The following DLG2 variants were observed in gnomAD, a reference collection of about 807,000 sequenced individuals.
DLG2 encodes discs large MAGUK scaffold protein 2.
A neutral mutation model predicts 132.5 loss-of-function variants in DLG2; 45 were observed. The ratio of observed to expected loss-of-function variants is 0.34; its 90% CI spans 0.27 to 0.44. DLG2 has a LOEUF of 0.44. Ranked by LOEUF, DLG2 falls within the 20% of genes least tolerant of loss-of-function variation. The pLI is 1.00. For synonymous variants in DLG2, 424 were observed against 419.6 expected (o/e 1.01, Z -0.13); for missense variants, 1,045 against 1,196.9 (o/e 0.87, Z 1.87).
At chr11:84,697,741 A>T (rs1052397700) in intron 6 of DLG2, among the ~76,000 whole-genome samples, 3 of 151,502 alleles carry the variant, frequency 2.0e-5, no homozygotes, top group African/African-American at 7.3e-5. Flanking sequence ...GTGAATATTC[A>T]AGCACAATCA....
intron 8 of DLG2, among the ~76,000 whole-genome samples, chr11:84,167,355 T>A (rs2095692076): frequency 6.6e-6 from 1 of 152,206 alleles, no homozygotes; most frequent in Non-Finnish European, 1.5e-5. Context: ...GTATTTAATT[T>A]AAAGCTCTAA....
At chr11:83,911,197 A>G (rs1413161780) in intron 15 of DLG2, among the ~76,000 whole-genome samples, 1 of 152,102 alleles carries the variant, frequency 6.6e-6, no homozygotes, top group Non-Finnish European at 1.5e-5. Context: ...GAGGAATAGC[A>G]AGGGCAGAGG....
At chr11:84,007,597 G>A (rs537156501) in intron 11 of DLG2, among the ~76,000 whole-genome samples, 39 of 151,640 alleles carry the variant, frequency 2.6e-4, no homozygotes, top group Admixed American at 1.1e-3. Flanking sequence ...TTTAATGACT[G>A]CTTAAAAGAT....
chr11:84,756,043 T>C (rs1228944866), intron 6 of DLG2, among the ~76,000 whole-genome samples: 2 of 152,258 alleles, frequency 1.3e-5, no homozygotes, highest in Middle Eastern at 3.4e-3. Flanking sequence ...GTGGTCAAGG[T>C]ATAAAATGCT....
intron 19 of DLG2, among the ~76,000 whole-genome samples, chr11:83,626,707 AT>A (rs1209153459): frequency 1.3e-5 from 2 of 152,198 alleles, no homozygotes; most frequent in African/African-American, 4.8e-5. Context: ...AATAGAAGAA[AT>A]CATGTGGTTA....
At chr11:83,490,319 G>T (rs1354090833) in intron 21 of DLG2, among the ~76,000 whole-genome samples, 2 of 151,752 alleles carry the variant, frequency 1.3e-5, no homozygotes, top group Non-Finnish European at 2.9e-5. Flanking sequence ...CAGTAATAAA[G>T]TATAACACAT....
chr11:84,059,400 T>G lies in DLG2; in HGVS notation c.834A>C (p.Ala278=). The stretch of plus-strand genomic sequence containing the variant: ...GCACATACAGCCGAACGATAGACCC[T>G]GCTTCCTTCAGGGCTTCCACCGCTT... ...HSKAVEALKE[A]GSIVRLYVRR... Residue 278 remains alanine, a synonymous_variant, in exon 11 of 28, where the codon GCA becomes GCC. Coordinates refer to ENST00000376104, the MANE Select transcript of DLG2 (RefSeq NM_001142699.3). The G allele has an allele frequency of 6.2e-7, 1 of 1,613,588 alleles. No homozygotes were observed.
At chr11:84,769,932 T>G (rs1168612424) in intron 6 of DLG2, among the ~76,000 whole-genome samples, 1 of 152,226 alleles carries the variant, frequency 6.6e-6, no homozygotes, top group Non-Finnish European at 1.5e-5. Context: ...TAAGTGAATT[T>G]GTTACCATAA....
intron 19 of DLG2, among the ~76,000 whole-genome samples, chr11:83,602,460 C>T (rs1000518030): frequency 1.3e-5 from 2 of 152,192 alleles, no homozygotes; most frequent in Non-Finnish European, 2.9e-5. Flanking sequence ...GGTTGGAAGT[C>T]CAATAAGGAC....
intron 17 of DLG2, among the ~76,000 whole-genome samples, chr11:83,811,392 T>C (rs1408177211): frequency 6.6e-6 from 1 of 152,072 alleles, no homozygotes; most frequent in Non-Finnish European, 1.5e-5. Flanking sequence ...CACACAAAAT[T>C]GACAATATTC....
intron 6 of DLG2, among the ~76,000 whole-genome samples, chr11:84,738,697 A>G (rs1276187231): frequency 2.0e-5 from 3 of 152,192 alleles, no homozygotes; most frequent in African/African-American, 7.2e-5. Context: ...AAAATGGTCC[A>G]ACCACTTTGG....
At chr11:85,400,959 G>C (rs1232305410) in intron 3 of DLG2, among the ~76,000 whole-genome samples, 1 of 145,676 alleles carries the variant, frequency 6.9e-6, no homozygotes, top group African/African-American at 2.5e-5. Flanking sequence ...AAAAGAAAAA[G>C]AGGGAATTCT....
At chr11:85,145,451 T>C (rs1268606872) in intron 5 of DLG2, among the ~76,000 whole-genome samples, 1 of 152,144 alleles carries the variant, frequency 6.6e-6, no homozygotes. Context: ...TTAAGGTCAA[T>C]ACATTTTACA....
At chr11:83,617,298 C>T (rs1349896408) in intron 19 of DLG2, among the ~76,000 whole-genome samples, 1 of 152,164 alleles carries the variant, frequency 6.6e-6, no homozygotes, top group African/African-American at 2.4e-5. Flanking sequence ...AAGGTATACC[C>T]CACATTTATG....
chr11:83,606,805 T>G (rs745403425), intron 19 of DLG2, among the ~76,000 whole-genome samples: 9 of 152,098 alleles, frequency 5.9e-5, no homozygotes, highest in Non-Finnish European at 1.0e-4. Context: ...CGGGCGCCTG[T>G]GGTCCCAGCT....
intron 6 of DLG2, among the ~76,000 whole-genome samples, chr11:84,860,981 A>G (rs192716654): frequency 3.3e-5 from 5 of 152,242 alleles, no homozygotes; most frequent in Admixed American, 1.3e-4. Flanking sequence ...AACATCTACT[A>G]TGTGTTCATA....
At chr11:84,809,447 A>G (rs925721068) in intron 6 of DLG2, among the ~76,000 whole-genome samples, 7 of 119,628 alleles carry the variant, frequency 5.9e-5, no homozygotes, top group African/African-American at 2.0e-4. Context: ...AAAAAAAATA[A>G]AAGTCATAAG....
intron 7 of DLG2, among the ~76,000 whole-genome samples, chr11:84,367,507 A>C (rs973549871): frequency 2.6e-5 from 4 of 152,150 alleles, no homozygotes; most frequent in Admixed American, 6.6e-5. Context: ...TATTTGTTTC[A>C]TCTGAAATTC....
Position 85,209,445 on chromosome 11 carries a change from C to CTT in DLG2, c.187-54796_187-54795dup, listed in dbSNP as rs1164394816. On this transcript the variant is annotated intron_variant, in intron 4 of 27. Transcript: ENST00000376104. ...AACTTATGGGCACAAAGAAATCAGTCTTTTTTTTTTTTTTTTTTTTTTGAG... is the reference window on the plus strand; with the variant it reads ...AACTTATGGGCACAAAGAAATCAGTCTTTTTTTTTTTTTTTTTTTTTTTTGAG... Among the ~76,000 whole-genome samples, 259 of 74,412 alleles carry CTT rather than the reference C, an allele frequency of 3.5e-3. 28 individuals carry two copies. Among genetic ancestry groups the CTT allele is most frequent in the South Asian group, 4.9e-3 (8 of 1,646 alleles). 48.8% of individuals were successfully genotyped at this position (74,412 alleles called of 152,430 possible).
Sources: allele counts gnomAD v4.1 joint callset (sites outside exome capture counted in the v4.1 genomes callset), GRCh38; gene constraint gnomAD v4.1.1; transcripts MANE v1.5; gene names NCBI Gene and HGNC (gene_info 2026-07-23, HGNC 2026-07-21).